The following ADGRD1 variants were observed in gnomAD, a reference collection of about 807,000 sequenced individuals.
The protein encoded by ADGRD1 is adhesion G protein-coupled receptor D1, also known as G-protein coupled receptor 133.
Under a neutral mutation model 113.4 loss-of-function variants are expected in ADGRD1, and 77 were observed. The ratio of observed to expected loss-of-function variants is 0.68; its 90% CI spans 0.57 to 0.82. ADGRD1 has a LOEUF of 0.82. ADGRD1 is among the 40% of genes least tolerant of loss of function. ADGRD1 has a pLI of 0.00. For synonymous variants in ADGRD1, 474 were observed against 475.0 expected (o/e 1.00, Z 0.03); for missense variants, 1,036 against 1,139.1 (o/e 0.91, Z 1.30).
intron 10 of ADGRD1, 96 bp from the exon 11 acceptor site, chr12:131,004,090 T>C (rs1739413937): frequency 1.4e-6 from 1 of 718,036 alleles, no homozygotes; most frequent in Non-Finnish European, 2.5e-6. Context: ...GAGCTTGTCC[T>C]GTCAAAAAAG....
Position 131,131,806 on chromosome 12 carries a change from A to G in ADGRD1, c.2257A>G (p.Ser753Gly), listed in dbSNP as rs781410356. ...CAACTACAAGATCCATGGAGACCCC[A>G]GTGCCTTCAAGTAAGTTGACCTCAG... is the stretch of plus-strand genomic sequence containing the variant. Reference protein sequence around the residue: ...ADNYKIHGDPSAFKLTAKAVA... With the variant: ...ADNYKIHGDPGAFKLTAKAVA... The change falls in exon 21 of 25, where the codon AGT becomes GGT. Residue 753 changes from serine (S) to glycine (G), a missense_variant. By Grantham distance (56) the Ser-to-Gly change is moderately conservative. Transcript: ENST00000261654. The G allele has an allele frequency of 6.2e-7, 1 of 1,608,630 alleles. No individual in the cohort carries two copies. The highest frequency in any genetic ancestry group is 2.2e-5 in the East Asian group (1 of 44,824).
chr12:131,006,212 CT>C (rs1877098272), intron 12 of ADGRD1, among the ~76,000 whole-genome samples, 165 bp downstream of exon 12: 1 of 152,222 alleles, frequency 6.6e-6, no homozygotes, highest in Non-Finnish European at 1.5e-5. Flanking sequence ...TTGAAGGCCA[CT>C]TGGGAACTGC....
intron 11 of ADGRD1, 72 bp from the exon 12 acceptor site, chr12:131,005,900 C>T (rs968159115): frequency 3.2e-5 from 37 of 1,140,656 alleles, no homozygotes; most frequent in African/African-American, 2.4e-4. Flanking sequence ...CATGGCGGGG[C>T]GTGGGGCTTT....
chr12:131,116,970 C>A (rs1271907695), intron 18 of ADGRD1, among the ~76,000 whole-genome samples: 2 of 152,250 alleles, frequency 1.3e-5, no homozygotes, highest in African/African-American at 4.8e-5. Context: ...GAAGCAGAGC[C>A]ATGTTTCCAG....
intron 6 of ADGRD1, 32 bp downstream of exon 6, chr12:130,987,381 G>C: frequency 1.9e-6 from 3 of 1,611,188 alleles, no homozygotes; most frequent in Non-Finnish European, 2.5e-6. Context: ...GGGCAGATCC[G>C]CTGTCTGTTC....
intron 13 of ADGRD1, among the ~76,000 whole-genome samples, chr12:131,072,072 C>T (rs1885227356): frequency 6.6e-6 from 1 of 150,816 alleles, no homozygotes; most frequent in Non-Finnish European, 1.5e-5. Context: ...AGAGTACTTT[C>T]TTTTCTTTGG....
rs2136876619 is a variant in ADGRD1, at chr12:131,022,360, T to G, written c.1473+8020T>G. ...ACAACCTTCCTTCAGCTCATCTTCC[T>G]TCATGAATTTCTACATTTTGATTGC... On this transcript the variant is annotated intron_variant, in intron 13 of 24. Coordinates refer to ENST00000261654, the MANE Select transcript of ADGRD1 (RefSeq NM_198827.5). This position sits in a 1 kb window ranked among gnomAD's most constrained non-coding sequence, Gnocchi z 4.6. Among the ~76,000 whole-genome samples, 2 of 152,364 alleles carry G rather than the reference T, an allele frequency of 1.3e-5. No homozygotes were observed. Among genetic ancestry groups the G allele is most frequent in the African/African-American group, 4.8e-5 (2 of 41,594 alleles).
In ADGRD1 at chr12:131,004,281, G is replaced by A; in HGVS notation, c.1240G>A (p.Ala414Thr). 2.5e-6 allele frequency: 4 copies of A among 1,612,164 alleles called. No homozygotes were observed. Among genetic ancestry groups the A allele is most frequent in the East Asian group, 2.2e-5 (1 of 44,806 alleles). The change falls in exon 11 of 25, where the codon GCC (alanine) becomes ACC (threonine). Residue 414 changes from alanine to threonine, a missense_variant. Ala to Thr is a moderately conservative substitution (Grantham distance 58, BLOSUM62 0). Coordinates refer to ENST00000261654, the MANE Select transcript of ADGRD1 (RefSeq NM_198827.5). ...GAGCTTCATCCAGATCCCCCACGAGGCCTTCCACAGGCACGGTGAGTGTGG... is the reference window on the plus strand; with the variant it reads ...GAGCTTCATCCAGATCCCCCACGAGACCTTCCACAGGCACGGTGAGTGTGG... ...GQSFIQIPHE[A>T]FHRHAWSTVV...
rs1886349183 is a variant in ADGRD1, at chr12:131,084,930, C to G, written c.1671+267C>G. On this transcript the variant is annotated intron_variant, in intron 15 of 24. Coordinates refer to ENST00000261654, the MANE Select transcript of ADGRD1 (RefSeq NM_198827.5). This position sits in a 1 kb window ranked among gnomAD's most constrained non-coding sequence, Gnocchi z 4.5. ...TTCGCACAGCAACGCCCAGACTGCA[C>G]CTGGGGGGATCCAAGGAGGGACCCC... 6.6e-6 allele frequency among the ~76,000 whole-genome samples: 1 copy of G among 152,176 alleles called. No homozygotes were observed. Among genetic ancestry groups the G allele is most frequent in the Non-Finnish European group, 1.5e-5 (1 of 67,992 alleles).
Position 131,130,009 on chromosome 12 carries a change from C to T in ADGRD1, c.2176-1716C>T, listed in dbSNP as rs375125238. 2.2e-4 allele frequency among the ~76,000 whole-genome samples: 33 copies of T among 152,384 alleles called. 1 individual carries two copies. In the East Asian group the frequency reaches 3.7e-3, roughly 17 times the overall value. ...CGAAGTAATAACTGCACATTAGTCACGCGTTTGTCACTGTCCTAGTTGAAT... is the reference window on the plus strand; with the variant it reads ...CGAAGTAATAACTGCACATTAGTCATGCGTTTGTCACTGTCCTAGTTGAAT... On this transcript the variant is annotated intron_variant, in intron 20 of 24. Coordinates refer to ENST00000261654, the MANE Select transcript of ADGRD1 (RefSeq NM_198827.5).
intron 2 of ADGRD1, among the ~76,000 whole-genome samples, chr12:130,958,551 C>T (rs922128045): frequency 1.3e-5 from 2 of 152,140 alleles, no homozygotes; most frequent in Non-Finnish European, 2.9e-5. Context: ...CTGCTCACCT[C>T]GTTTCCTGCT....
At chr12:131,136,699 G>C (rs884837) in intron 22 of ADGRD1, among the ~76,000 whole-genome samples, 99,692 of 152,234 alleles carry the variant, frequency 0.65, 33,075 homozygotes, top group Middle Eastern at 0.77. Context: ...GCCTGCCCTT[G>C]CCCACGCTGA....
chr12:130,961,050 G>T (rs1870292936), intron 2 of ADGRD1, among the ~76,000 whole-genome samples: 1 of 152,234 alleles, frequency 6.6e-6, no homozygotes, highest in African/African-American at 2.4e-5. Context: ...ATCGGCAGGG[G>T]CCGGCATTCC....
rs564445351 is a variant in ADGRD1 at position 131,124,504 on chromosome 12, C to T, written c.2175+3591C>T. Among the ~76,000 whole-genome samples the T allele has an allele frequency of 7.6e-4, 116 of 152,300 alleles. 1 individual carries two copies. The highest frequency in any genetic ancestry group is 1.6e-3 in the Admixed American group (24 of 15,300). Reference sequence around the variant, plus strand: ...TGTGTTTACATTAGAACATCAGCTTCCCTGTGTCCTGGCAAGGTTCATCCT... The same window carrying T: ...TGTGTTTACATTAGAACATCAGCTTTCCTGTGTCCTGGCAAGGTTCATCCT... On this transcript the variant is annotated intron_variant, in intron 20 of 24. Transcript: ENST00000261654.
intron 13 of ADGRD1, among the ~76,000 whole-genome samples, chr12:131,051,704 T>C (rs1883412254): frequency 6.6e-6 from 1 of 152,218 alleles, no homozygotes; most frequent in Non-Finnish European, 1.5e-5. Context: ...CAGGCTGGTC[T>C]CAAACTCCTG....
At chr12:130,978,595 G>A (rs1194092060) in intron 4 of ADGRD1, 2 of 152,110 alleles carry the variant, frequency 1.3e-5, no homozygotes, top group Admixed American at 6.5e-5. Context: ...TTAAATATAA[G>A]CTGTTGCTCA....
chr12:131,114,150 GAC>G (rs1373614808), intron 18 of ADGRD1, among the ~76,000 whole-genome samples: 1 of 152,192 alleles, frequency 6.6e-6, no homozygotes, highest in Non-Finnish European at 1.5e-5. Flanking sequence ...GTGTGTGTTT[GAC>G]AGACAGAGAA....
intron 15 of ADGRD1, among the ~76,000 whole-genome samples, chr12:131,087,913 G>A (rs564129869): frequency 1.3e-5 from 2 of 152,222 alleles, no homozygotes; most frequent in South Asian, 4.1e-4. Flanking sequence ...CAGTTCCTGG[G>A]TTTAAATTTC....
At chr12:131,109,049 G>A (rs1212428547) in intron 18 of ADGRD1, among the ~76,000 whole-genome samples, 172 bp downstream of exon 18, 1 of 152,112 alleles carries the variant, frequency 6.6e-6, no homozygotes, top group Non-Finnish European at 1.5e-5. Context: ...AAAGTCAGAT[G>A]TGCTTTCATC....
Sources: gnomAD v4.1 joint callset for allele counts (sites outside exome capture counted in the v4.1 genomes callset) on GRCh38, gnomAD v4.1.1 for gene constraint, Gnocchi (gnomAD v3.1) non-coding constraint, MANE v1.5 for transcripts, NCBI Gene and HGNC (gene_info 2026-07-23, HGNC 2026-07-21) for gene names.